The following NUP35 variants were observed in gnomAD, a reference collection of about 807,000 sequenced individuals.
The protein encoded by NUP35 is nucleoporin 35, also known as nucleoporin NUP35.
A neutral mutation model predicts 41.5 loss-of-function variants in NUP35; 25 were observed. The observed-to-expected ratio is 0.60, with a 90% confidence interval of 0.44 to 0.84. The LOEUF (loss-of-function observed/expected upper bound fraction) is 0.84, where lower values mean the gene tolerates loss of function less well. Ranked by LOEUF, NUP35 falls within the 40% of genes least tolerant of loss-of-function variation. The pLI is 0.00. For missense variants in NUP35, 396 were observed against 396.6 expected (o/e 1.00, Z 0.01); for synonymous variants, 149 against 130.7 (o/e 1.14, Z -0.96).
intron 5 of NUP35, among the ~76,000 whole-genome samples, chr2:183,151,887 A>T (rs190545223): frequency 5.9e-5 from 9 of 152,212 alleles, no homozygotes; most frequent in African/African-American, 2.2e-4. Context: ...TTACCCTGAC[A>T]CTTGAGCATG....
At chr2:183,156,529 C>T (rs541978928) in intron 5 of NUP35, among the ~76,000 whole-genome samples, 67 of 152,010 alleles carry the variant, frequency 4.4e-4, no homozygotes, top group African/African-American at 1.5e-3. Flanking sequence ...TTAGTAGAGG[C>T]GGGGTTTCAC....
At chr2:183,121,885 AT>A (rs1700071833), upstream of NUP35, among the ~76,000 whole-genome samples, 1 of 138,758 alleles carries the variant, frequency 7.2e-6, no homozygotes. Flanking sequence ...CAACCACAAA[AT>A]TGTATAAAAT....
At chr2:183,130,387 CTTT>C (rs34173657) in intron 2 of NUP35, 28 bp from the exon 3 acceptor site, 32,020 of 1,250,010 alleles carry the variant, frequency 0.026, 20 homozygotes, top group Middle Eastern at 0.031. Context: ...AGAAGAATCC[CTTT>C]TTTTTTTTTT....
intron 8 of NUP35, 51 bp downstream of exon 8, chr2:183,159,703 A>C (rs1685801094): frequency 2.1e-6 from 3 of 1,398,610 alleles, no homozygotes; most frequent in Non-Finnish European, 3.0e-6. Context: ...CTGAGTGCAT[A>C]GCATGCTTAA....
At chr2:183,147,373 T>C (rs1685316101) in intron 4 of NUP35, among the ~76,000 whole-genome samples, 1 of 152,232 alleles carries the variant, frequency 6.6e-6, no homozygotes, top group Non-Finnish European at 1.5e-5. Context: ...TGGTTAATTT[T>C]TTTTATATGG....
chr2:183,144,149 G>A (rs1413169471), intron 4 of NUP35, among the ~76,000 whole-genome samples: 5 of 152,178 alleles, frequency 3.3e-5, no homozygotes, highest in African/African-American at 1.2e-4. Flanking sequence ...AGACACATAG[G>A]GTGACGTTGG....
upstream of NUP35, among the ~76,000 whole-genome samples, chr2:183,120,400 C>G (rs997913288): frequency 6.7e-6 from 1 of 148,452 alleles, no homozygotes. Flanking sequence ...AACCTGAGAT[C>G]GCTCCACTGT....
chr2:183,157,472 T>A lies in NUP35; in HGVS notation c.568T>A (p.Leu190Ile). The A allele has an allele frequency of 6.2e-7, 1 of 1,613,094 alleles. No individual in the cohort carries two copies. Among genetic ancestry groups the A allele is most frequent in the Non-Finnish European group, 8.5e-7 (1 of 1,179,164 alleles). Residue 190 changes from leucine to isoleucine, a missense_variant, in exon 6 of 9, where the codon TTA becomes ATA. Coordinates refer to ENST00000295119, the MANE Select transcript of NUP35 (RefSeq NM_138285.5). ...TCCTCAAGCATCTGCTTCCTACATA[T>A]TACTACAATTTGCACAGTATGGGAA... ...GFPQASASYI[L>I]LQFAQYGNIL...
intron 4 of NUP35, 141 bp from the exon 5 acceptor site, chr2:183,151,367 A>G: frequency 6.3e-6 from 4 of 633,236 alleles, no homozygotes; most frequent in Non-Finnish European, 1.1e-5. Context: ...TGAAATTGCT[A>G]TTTGACCACA....
intron 4 of NUP35, among the ~76,000 whole-genome samples, chr2:183,138,269 A>ATATATATATATATATATATTT: frequency 4.5e-4 from 36 of 80,672 alleles, no homozygotes; most frequent in African/African-American, 1.7e-3. Flanking sequence ...ATATATATAT[A>ATATATATATATATATATATTT]TTTTTTTTTT....
chr2:183,126,807 A>G (rs1035933669), intron 1 of NUP35, among the ~76,000 whole-genome samples: 1 of 152,200 alleles, frequency 6.6e-6, no homozygotes, highest in Non-Finnish European at 1.5e-5. Flanking sequence ...TACAAATAAC[A>G]TAGCAAACAT....
At position 183,138,267 on chromosome 2, in the gene NUP35, ATATTTTT is replaced by A. The variant is rs1471652081; in HGVS notation, c.397+4646_397+4652del. On this transcript the variant is annotated intron_variant, in intron 4 of 8. Transcript: ENST00000295119. The stretch of plus-strand genomic sequence containing the variant: ...GAGCTATATATATATATATATATAT[ATATTTTT>A]TTTTTTTTTTAGCTCCTGTATTTAG... Among the ~76,000 whole-genome samples the A allele has an allele frequency of 2.7e-3, 197 of 74,042 alleles. 2 individuals carry two copies. Among genetic ancestry groups the A allele is most frequent in the African/African-American group, 0.014 (187 of 13,714 alleles). 48.6% of individuals were successfully genotyped at this position (74,042 alleles called of 152,430 possible).
rs1274733032 is a variant in NUP35, at chr2:183,159,411, A to AT, written c.739-73dup. 4.6e-6 allele frequency: 5 copies of AT among 1,098,124 alleles called. No homozygotes were observed. In the African/African-American group the frequency reaches 8.2e-5, roughly 18 times the overall value. 68.0% of individuals were successfully genotyped at this position (1,098,124 alleles called of 1,614,324 possible). A position where few individuals can be genotyped will look rare whatever the true frequency, so the allele number is the denominator to read the frequency against. ...TATTTCATCTTTATCTTTTAATTAA[A>AT]TTTTCTAAGTAGGATGTAATACTGG... On this transcript the variant is annotated intron_variant, in intron 7 of 8. Coordinates refer to ENST00000295119, the MANE Select transcript of NUP35 (RefSeq NM_138285.5).
In NUP35 at chr2:183,133,469, A is replaced by G. The variant is rs548026027; in HGVS notation, c.340-97A>G. ...AGCTAATTAGAGGCATCTCTAGCACATGATAAAAATTCAGTTATCCATTGA... is the reference window on the plus strand; with the variant it reads ...AGCTAATTAGAGGCATCTCTAGCACGTGATAAAAATTCAGTTATCCATTGA... On this transcript the variant is annotated intron_variant, in intron 3 of 8. Coordinates refer to ENST00000295119, the MANE Select transcript of NUP35 (RefSeq NM_138285.5). 240 of 928,172 alleles carry G rather than the reference A, an allele frequency of 2.6e-4. No homozygotes were observed. In the African/African-American group the frequency reaches 3.7e-3, roughly 14 times the overall value. The allele number at this position is 928,172 out of a possible 1,614,324, so 57.5% of individuals were successfully genotyped here.
At chr2:183,124,311 G>A, upstream of NUP35, 1 of 1,509,778 alleles carries the variant, frequency 6.6e-7, no homozygotes, top group Non-Finnish European at 8.9e-7. Flanking sequence ...ATTCCAAAAT[G>A]GCTCCGGCGC....
intron 1 of NUP35, 84 bp downstream of exon 1, chr2:183,124,581 A>G: frequency 6.4e-7 from 1 of 1,553,964 alleles, no homozygotes; most frequent in Non-Finnish European, 8.9e-7. Flanking sequence ...GGCAGTCGTC[A>G]GGCTCTCGTC....
intron 5 of NUP35, among the ~76,000 whole-genome samples, chr2:183,154,293 G>T (rs774708507): frequency 1.1e-4 from 17 of 152,314 alleles, no homozygotes; most frequent in South Asian, 6.2e-4. Context: ...GCAAATTTCT[G>T]CAGCTAGCTT....
At position 183,130,458 on chromosome 2, in the gene NUP35, T is replaced by A; in HGVS notation, c.252T>A (p.Asp84Glu). ...AACCAGTTGTACCAGCTCATAAAGA[T>A]AAAAGTGGCGCTCCACCAGTTAGAA... ...PPQPVVPAHK[D>E]KSGAPPVRSI... The change falls in exon 3 of 9, where the codon GAT becomes GAA. Residue 84 changes from aspartate (D) to glutamate (E), a missense_variant. Coordinates refer to ENST00000295119, the MANE Select transcript of NUP35 (RefSeq NM_138285.5). The A allele has an allele frequency of 6.3e-7, 1 of 1,599,518 alleles. No homozygotes were observed. Among genetic ancestry groups the A allele is most frequent in the Non-Finnish European group, 8.5e-7 (1 of 1,177,244 alleles).
intron 4 of NUP35, 105 bp downstream of exon 4, chr2:183,133,728 C>T: frequency 1.7e-6 from 1 of 597,368 alleles, no homozygotes; most frequent in Non-Finnish European, 2.6e-6. Flanking sequence ...AACTCTGACA[C>T]CAAATACTTC....
Sources: gnomAD v4.1 joint callset for allele counts (sites outside exome capture counted in the v4.1 genomes callset) on GRCh38, gnomAD v4.1.1 for gene constraint, MANE v1.5 for transcripts, NCBI Gene and HGNC (gene_info 2026-07-23, HGNC 2026-07-21) for gene names.